Variants in ALDH3A2 observed in about 807,000 individuals in gnomAD.
ALDH3A2 encodes the protein aldehyde dehydrogenase family 3 member A2.
In ALDH3A2, 36 loss-of-function variants were observed where a neutral mutation model predicts 51.3. That is an observed-to-expected ratio of 0.70 (90% CI 0.54 to 0.93). ALDH3A2 has a LOEUF of 0.93. Among genes scored for constraint, ALDH3A2 ranks in the 40% least tolerant of loss-of-function variants. The probability of loss-of-function intolerance (pLI) is 0.00; values close to 1 mark genes in which losing one functional copy is unlikely to be tolerated. For missense variants in ALDH3A2, 552 were observed against 603.1 expected (o/e 0.92, Z 0.89); for synonymous variants, 199 against 219.8 (o/e 0.91, Z 0.84).
chr17:19,649,007 C>T lies in ALDH3A2; in HGVS notation c.36C>T (p.Phe12=), dbSNP rs1162502566. ...ELEVRRVRQA[F]LSGRSRPLRF... is the part of the protein sequence containing the mutation. ...AAGTCCGGCGGGTCCGACAGGCGTTCCTGTCCGGCCGGTCGCGACCTCTGC... is the reference window on the plus strand; with the variant it reads ...AAGTCCGGCGGGTCCGACAGGCGTTTCTGTCCGGCCGGTCGCGACCTCTGC... The change falls in exon 1 of 10, where the codon TTC becomes TTT. Residue 12 remains phenylalanine (F), a synonymous_variant. Coordinates refer to ENST00000176643, the MANE Select transcript of ALDH3A2 (RefSeq NM_000382.3). The T allele has an allele frequency of 6.3e-7, 1 of 1,584,148 alleles. No homozygotes were observed. Among genetic ancestry groups the T allele is most frequent in the South Asian group, 1.1e-5 (1 of 87,048 alleles).
chr17:19,659,912 G>A (rs1452061919), intron 5 of ALDH3A2, among the ~76,000 whole-genome samples: 2 of 151,968 alleles, frequency 1.3e-5, no homozygotes, highest in African/African-American at 4.8e-5. Flanking sequence ...TGTGTTCCAG[G>A]CAGAGTAACT....
intron 8 of ALDH3A2, among the ~76,000 whole-genome samples, chr17:19,665,376 CGTGTGTGTGTGT>C (rs34642385): frequency 5.5e-5 from 8 of 144,924 alleles, no homozygotes; most frequent in Non-Finnish European, 1.1e-4. Context: ...GATCTCTCTT[CGTGTGTGTGTGT>C]GTGTGTGTGT....
chr17:19,660,197 C>T (rs2084948548), intron 5 of ALDH3A2, among the ~76,000 whole-genome samples: 1 of 152,150 alleles, frequency 6.6e-6, no homozygotes, highest in East Asian at 1.9e-4. Context: ...TCTCAAGCTA[C>T]ATGTTACCCT....
rs1377146177 is a variant in ALDH3A2, at chr17:19,677,488, A to G, written c.*1916A>G. The G allele has an allele frequency of 6.6e-6, 1 of 152,218 alleles. No individual in the cohort carries two copies. The highest frequency in any genetic ancestry group is 2.4e-5 in the African/African-American group (1 of 41,466). 9.4% of individuals were successfully genotyped at this position (152,218 alleles called of 1,614,324 possible). A position where few individuals can be genotyped will look rare whatever the true frequency, so the allele number is the denominator to read the frequency against. ...AATGAACATATTTCATAAAATTGGC[A>G]TCAATTTTAATGACGCTCCTGGTAT... On this transcript the variant is annotated 3_prime_UTR_variant, in exon 10 of 10. Coordinates refer to ENST00000176643, the MANE Select transcript of ALDH3A2 (RefSeq NM_000382.3).
chr17:19,652,656 C>T (rs1323745853), intron 3 of ALDH3A2, 24 bp downstream of exon 3: 3 of 1,542,082 alleles, frequency 1.9e-6, no homozygotes, highest in East Asian at 2.2e-5. Flanking sequence ...GACTCATCTC[C>T]AACATATGTG....
intron 8 of ALDH3A2, among the ~76,000 whole-genome samples, chr17:19,669,751 C>T (rs760609801): frequency 6.6e-6 from 1 of 152,160 alleles, no homozygotes; most frequent in Non-Finnish European, 1.5e-5. Flanking sequence ...CTTCCCGCCT[C>T]AGCCTCCTGA....
Position 19,669,656 on chromosome 17 carries a change from A to G in ALDH3A2, c.1208-2065A>G, listed in dbSNP as rs935135860. Among the ~76,000 whole-genome samples the G allele has an allele frequency of 2.0e-5, 3 of 151,884 alleles. No homozygotes were observed. In the South Asian group the frequency reaches 6.2e-4, roughly 32 times the overall value. On this transcript the variant is annotated intron_variant, in intron 8 of 9. Coordinates refer to ENST00000176643, the MANE Select transcript of ALDH3A2 (RefSeq NM_000382.3). Reference sequence around the variant, plus strand: ...TCTTTTCTTTTTTTTCTTGTTTGAGATAGGGTCTCACTCTGTCACCCAAGC... The same window carrying G: ...TCTTTTCTTTTTTTTCTTGTTTGAGGTAGGGTCTCACTCTGTCACCCAAGC...
At chr17:19,663,607 T>C in intron 7 of ALDH3A2, 108 bp downstream of exon 7, 3 of 1,345,688 alleles carry the variant, frequency 2.2e-6, no homozygotes, top group Non-Finnish European at 3.1e-6. Context: ...GATGGTTTCT[T>C]TTGTGTCATG....
chr17:19,674,597 G>A (rs2085163607), intron 9 of ALDH3A2: 1 of 152,142 alleles, frequency 6.6e-6, no homozygotes, highest in African/African-American at 2.4e-5. Context: ...TACAGGGTGA[G>A]GGAGTAGGTG....
chr17:19,656,252 C>G, intron 3 of ALDH3A2, 114 bp from the exon 4 acceptor site: 1 of 983,600 alleles, frequency 1.0e-6, no homozygotes, highest in South Asian at 1.4e-5. Context: ...AGGGACTGGT[C>G]TTGACACTCT....
chr17:19,664,831 G>C (rs2085013380), intron 7 of ALDH3A2, 117 bp from the exon 8 acceptor site: 1 of 745,690 alleles, frequency 1.3e-6, no homozygotes, highest in African/African-American at 1.7e-5. Flanking sequence ...CTGACACAAA[G>C]CCAGAATGTG....
chr17:19,652,768 A>G, intron 3 of ALDH3A2, 136 bp downstream of exon 3: 1 of 763,314 alleles, frequency 1.3e-6, no homozygotes. Flanking sequence ...TTGGCTTAGC[A>G]AAAGAAGTTC....
chr17:19,664,200 A>G (rs1157278562), intron 7 of ALDH3A2, among the ~76,000 whole-genome samples: 2 of 152,228 alleles, frequency 1.3e-5, no homozygotes, highest in Non-Finnish European at 2.9e-5. Context: ...GGGCTCAGTA[A>G]AGACTGGGTT....
At chr17:19,657,973 CAT>C in intron 5 of ALDH3A2, 111 bp downstream of exon 5, 1 of 830,884 alleles carries the variant, frequency 1.2e-6, no homozygotes, top group Non-Finnish European at 2.0e-6. Context: ...ATTTCAAAAT[CAT>C]ATGTGACTCA....
At chr17:19,656,107 T>C (rs2084891834) in intron 3 of ALDH3A2, 2 of 489,554 alleles carry the variant, frequency 4.1e-6, no homozygotes, top group South Asian at 4.1e-5. Flanking sequence ...TTCTCCTTAG[T>C]GTCTTTGTTG....
At chr17:19,651,922 C>A in intron 2 of ALDH3A2, 144 bp downstream of exon 2, 1 of 753,918 alleles carries the variant, frequency 1.3e-6, no homozygotes, top group Non-Finnish European at 2.2e-6. Context: ...AGAATTCATA[C>A]ATACCATACA....
Position 19,663,001 on chromosome 17 carries a change from A to T in ALDH3A2, c.941-332A>T, listed in dbSNP as rs186665578. 1.3e-3 allele frequency among the ~76,000 whole-genome samples: 193 copies of T among 152,248 alleles called. 4 individuals carry two copies. The highest frequency in any genetic ancestry group is 0.011 in the Admixed American group (162 of 15,300). Reference sequence around the variant, plus strand: ...GCCTGGGCAACAAGGGCGAAACTCCATCTCAAAAAAAAAACCTGTCCACAG... The same window carrying T: ...GCCTGGGCAACAAGGGCGAAACTCCTTCTCAAAAAAAAAACCTGTCCACAG... On this transcript the variant is annotated intron_variant, in intron 6 of 9. Transcript: ENST00000176643.
At position 19,656,201 on chromosome 17, in the gene ALDH3A2, TCTC is replaced by T. The variant is rs1305261578; in HGVS notation, c.472-161_472-159del. 19 of 711,982 alleles carry T rather than the reference TCTC, an allele frequency of 2.7e-5. No homozygotes were observed. The South Asian group carries it at 2.7e-4, about 10-fold the overall frequency. 44.1% of individuals were successfully genotyped at this position (711,982 alleles called of 1,614,324 possible). On this transcript the variant is annotated intron_variant, in intron 3 of 9. Coordinates refer to ENST00000176643, the MANE Select transcript of ALDH3A2 (RefSeq NM_000382.3). ...TCCCAGATGCCATCGGACTGTGTGTTCTCCTCTTGTCCTTGGTCAGTTCCCTCT... is the reference window on the plus strand; with the variant it reads ...TCCCAGATGCCATCGGACTGTGTGTTCTCTTGTCCTTGGTCAGTTCCCTCT...
intron 8 of ALDH3A2, among the ~76,000 whole-genome samples, chr17:19,666,018 C>T (rs1041650425): frequency 1.3e-5 from 2 of 152,024 alleles, no homozygotes; most frequent in South Asian, 2.1e-4. Flanking sequence ...AAACATATTG[C>T]CAGCACCCAG....
Sources: allele counts gnomAD v4.1 joint callset (sites outside exome capture counted in the v4.1 genomes callset), GRCh38; gene constraint gnomAD v4.1.1; transcripts MANE v1.5; gene names NCBI Gene and HGNC (gene_info 2026-07-23, HGNC 2026-07-21).